The following PCP2 variants were observed in gnomAD, a reference collection of about 807,000 sequenced individuals.
PCP2 encodes the protein Purkinje cell protein 2.
In PCP2, 21 loss-of-function variants were observed where a neutral mutation model predicts 18.3. That is an observed-to-expected ratio of 1.14 (90% CI 0.81 to 1.65). The LOEUF (loss-of-function observed/expected upper bound fraction) is 1.65. Among genes scored for constraint, PCP2 ranks in the 40% most tolerant of loss-of-function variants. The probability of loss-of-function intolerance (pLI) is 0.00; values close to 1 mark genes in which losing one functional copy is unlikely to be tolerated. For missense variants in PCP2, 202 were observed against 201.8 expected, an observed-to-expected ratio of 1.00 and a Z score of 0.00; for synonymous variants, 85 against 77.6, an observed-to-expected ratio of 1.10 and a Z score of -0.50.
rs2031339654 is a variant in PCP2 at position 7,632,129 on chromosome 19, A to G, written c.291+264T>C. 3 of 590,226 alleles carry G rather than the reference A, an allele frequency of 5.1e-6. No homozygotes were observed. Among genetic ancestry groups the G allele is most frequent in the Non-Finnish European group, 8.7e-6 (3 of 343,668 alleles). 36.6% of individuals were successfully genotyped at this position (590,226 alleles called of 1,614,324 possible). On this transcript the variant is annotated intron_variant, in intron 3 of 3. Transcript: ENST00000311069. The surrounding 1 kb of genome is among the most constrained non-coding windows in gnomAD (Gnocchi z 5.2). Reference sequence around the variant, plus strand: ...GGATACTTTCCTAGGAAGGGGTCCTATTTTCTCCCTTTGGCCTCCCCAGAA... The same window carrying G: ...GGATACTTTCCTAGGAAGGGGTCCTGTTTTCTCCCTTTGGCCTCCCCAGAA...
chr19:7,635,498 CA>C (rs2031490855), upstream of PCP2, among the ~76,000 whole-genome samples: 1 of 152,130 alleles, frequency 6.6e-6, no homozygotes, highest in Non-Finnish European at 1.5e-5. Flanking sequence ...AGTTTGATAC[CA>C]GCCTGGGCAA....
chr19:7,633,082 G>C (rs2031399114), intron 1 of PCP2: 1 of 1,239,080 alleles, frequency 8.1e-7, no homozygotes, highest in Admixed American at 2.9e-5. Flanking sequence ...CAAGGGACAG[G>C]CTCCGATGCG....
At chr19:7,636,943 C>T (rs116222519), upstream of PCP2, 1 of 429,138 alleles carries the variant, frequency 2.3e-6, no homozygotes, top group Admixed American at 4.4e-5. Flanking sequence ...CCAGCGACTT[C>T]GTGCTCGGCA....
chr19:7,633,380 G>A, intron 1 of PCP2, 27 bp downstream of exon 1: 4 of 1,553,422 alleles, frequency 2.6e-6, no homozygotes, highest in Non-Finnish European at 3.5e-6. Flanking sequence ...TTGAGCTGGG[G>A]GTGGGGTGGG....
upstream of PCP2, among the ~76,000 whole-genome samples, chr19:7,635,652 T>TG (rs55706929): frequency 9.0e-3 from 1,374 of 152,124 alleles, 6 homozygotes; most frequent in Middle Eastern, 0.027. Context: ...GCTATGATCG[T>TG]GCCACTGCCC....
chr19:7,634,037 C>T (rs1599382394), upstream of PCP2: 1 of 152,652 alleles, frequency 6.6e-6, no homozygotes, highest in Non-Finnish European at 1.5e-5. Flanking sequence ...ACCCTTCCTT[C>T]AACTCACTGT....
chr19:7,633,060 G>T, intron 1 of PCP2: 1 of 1,367,056 alleles, frequency 7.3e-7, no homozygotes, highest in Non-Finnish European at 9.6e-7. Context: ...GCCACTTCAC[G>T]TGGTACCGCT....
chr19:7,631,622 T>G lies in PCP2; in HGVS notation c.*67A>C. 6.8e-7 allele frequency: 1 copy of G among 1,466,560 alleles called. No homozygotes were observed. The allele number at this position is 1,466,560 out of a possible 1,614,324, so 90.8% of individuals were successfully genotyped here. Reference sequence around the variant, plus strand: ...ATACATATACTCAGTTCCTTGTTATTCATTTAAGTGTTTTATTCTTTTATC... The same window carrying G: ...ATACATATACTCAGTTCCTTGTTATGCATTTAAGTGTTTTATTCTTTTATC... On this transcript the variant is annotated 3_prime_UTR_variant, in exon 4 of 4. Coordinates refer to ENST00000311069, the MANE Select transcript of PCP2 (RefSeq NM_174895.3).
At position 7,632,282 on chromosome 19, in the gene PCP2, C is replaced by T. The variant is rs2279042; in HGVS notation, c.291+111G>A. 507,503 of 1,494,716 alleles carry T rather than the reference C, an allele frequency of 0.34. 88,733 individuals carry two copies. The highest frequency in any genetic ancestry group is 0.36 in the Non-Finnish European group (402,191 of 1,103,144). 92.6% of individuals were successfully genotyped at this position (1,494,716 alleles called of 1,614,324 possible). A position where few individuals can be genotyped will look rare whatever the true frequency, so the allele number is the denominator to read the frequency against. On this transcript the variant is annotated intron_variant, in intron 3 of 3. Coordinates refer to ENST00000311069, the MANE Select transcript of PCP2 (RefSeq NM_174895.3). This position sits in a 1 kb window ranked among gnomAD's most constrained non-coding sequence, Gnocchi z 5.2. Reference sequence around the variant, plus strand: ...GTCCTCCCATCTGAAGTCAGGGCAGCGGATGGACAGAGATGGGGCAGGCCC... The same window carrying T: ...GTCCTCCCATCTGAAGTCAGGGCAGTGGATGGACAGAGATGGGGCAGGCCC...
chr19:7,631,761 G>T lies in PCP2; in HGVS notation c.339C>A (p.Leu113=). 3 of 1,429,524 alleles carry T rather than the reference G, an allele frequency of 2.1e-6. No individual in the cohort carries two copies. The highest frequency in any genetic ancestry group is 2.8e-6 in the Non-Finnish European group (3 of 1,088,178). 88.6% of individuals were successfully genotyped at this position (1,429,524 alleles called of 1,614,324 possible). ...RAGTLSPQPL[L]TPQDPTALGF... ...CGAGAGCGGTCGGGTCCTGAGGGGT[G>T]AGCAGGGGTTGGGGACTGAGGGTCC... Residue 113 remains leucine, a synonymous_variant, in exon 4 of 4, where the codon CTC becomes CTA. Transcript: ENST00000311069.
rs565194202 is a variant in PCP2 at position 7,632,962 on chromosome 19, C to A, written c.52-132G>T. On this transcript the variant is annotated intron_variant, in intron 1 of 3. Coordinates refer to ENST00000311069, the MANE Select transcript of PCP2 (RefSeq NM_174895.3). This position sits in a 1 kb window ranked among gnomAD's most constrained non-coding sequence, Gnocchi z 5.2. ...CTTCCTCAGCTCTCACCATGGTCCC[C>A]GCCGATCCTCTCTGCAGAGCTGTTC... is the stretch of plus-strand genomic sequence containing the variant. The A allele has an allele frequency of 1.2e-5, 17 of 1,470,282 alleles. No individual in the cohort carries two copies. The highest frequency in any genetic ancestry group is 1.5e-5 in the Non-Finnish European group (17 of 1,113,474). 91.1% of individuals were successfully genotyped at this position (1,470,282 alleles called of 1,614,324 possible).
chr19:7,633,441 T>C lies in PCP2; in HGVS notation c.17A>G (p.Glu6Gly). 2 of 1,576,228 alleles carry C rather than the reference T, an allele frequency of 1.3e-6. No individual in the cohort carries two copies. The highest frequency in any genetic ancestry group is 8.6e-7 in the Non-Finnish European group (1 of 1,159,752). ...GGGGCCTGAGCCTTCCTCCGTCTTCTCCTCCTGATCCATCATGTCCCTGGA... is the reference window on the plus strand; with the variant it reads ...GGGGCCTGAGCCTTCCTCCGTCTTCCCCTCCTGATCCATCATGTCCCTGGA... Reference protein sequence around the residue: MMDQEEKTEEGSGPCA... With the variant: MMDQEGKTEEGSGPCA... Residue 6 changes from glutamate to glycine, a missense_variant, in exon 1 of 4, where the codon GAG becomes GGG. By Grantham distance (98) the Glu-to-Gly change is moderately conservative. Coordinates refer to ENST00000311069, the MANE Select transcript of PCP2 (RefSeq NM_174895.3).
upstream of PCP2, among the ~76,000 whole-genome samples, chr19:7,635,089 G>A (rs2031473418): frequency 6.6e-6 from 1 of 152,232 alleles, no homozygotes; most frequent in Non-Finnish European, 1.5e-5. Context: ...TTGGGGATTA[G>A]TACTTCATAT....
upstream of PCP2, among the ~76,000 whole-genome samples, chr19:7,634,110 A>G (rs2031442288): frequency 6.6e-6 from 1 of 152,060 alleles, no homozygotes; most frequent in South Asian, 2.1e-4. Context: ...TCCTGTTCCC[A>G]CACCACCTAA....
intron 3 of PCP2, 102 bp from the exon 4 acceptor site, chr19:7,631,910 C>T: frequency 1.7e-6 from 2 of 1,178,544 alleles, no homozygotes; most frequent in Non-Finnish European, 2.2e-6. Context: ...CGTGTCCCAC[C>T]TCATTGTGAG....
chr19:7,632,813 C>T lies in PCP2; in HGVS notation c.69G>A (p.Gln23=), dbSNP rs149060150. The T allele has an allele frequency of 3.9e-6, 6 of 1,556,102 alleles. No individual in the cohort carries two copies. The African/African-American group carries it at 6.8e-5, about 18-fold the overall frequency. The change falls in exon 2 of 4, where the codon CAG becomes CAA. Residue 23 remains glutamine (Q), a synonymous_variant. Transcript: ENST00000311069. This position sits in a 1 kb window ranked among gnomAD's most constrained non-coding sequence, Gnocchi z 5.2. ...GGCTCAGCAGATTGAAGAAGCCCTC[C>T]TGGTCTGGGGAGCCCGCCTGGGGAC... is the stretch of plus-strand genomic sequence containing the variant. ...GPCAEAGSPD[Q]EGFFNLLSHV...
In PCP2 at chr19:7,633,465, G is replaced by A. The variant is rs1380481862; in HGVS notation, c.-8C>T. On this transcript the variant is annotated 5_prime_UTR_variant, in exon 1 of 4. Transcript: ENST00000311069. ...CTCCTCCTGATCCATCATGTCCCTG[G>A]ACTCCAGTCACTTTTCTGCTGGCCT... is the stretch of plus-strand genomic sequence containing the variant. 3 of 1,573,884 alleles carry A rather than the reference G, an allele frequency of 1.9e-6. No homozygotes were observed. The highest frequency in any genetic ancestry group is 2.6e-6 in the Non-Finnish European group (3 of 1,158,190).
chr19:7,632,017 C>T lies in PCP2; in HGVS notation c.292-209G>A. ...GCCCTCGCTGGGATCTTGATCAGAA[C>T]CCAAGCTTCGTGTATGTGTGAAGTC... is the stretch of plus-strand genomic sequence containing the variant. On this transcript the variant is annotated intron_variant, in intron 3 of 3. Coordinates refer to ENST00000311069, the MANE Select transcript of PCP2 (RefSeq NM_174895.3). This position sits in a 1 kb window ranked among gnomAD's most constrained non-coding sequence, Gnocchi z 5.2. 1 of 498,712 alleles carries T rather than the reference C, an allele frequency of 2.0e-6. No individual in the cohort carries two copies. The allele number at this position is 498,712 out of a possible 1,614,324, so 30.9% of individuals were successfully genotyped here.
At position 7,632,949 on chromosome 19, in the gene PCP2, T is replaced by A. The variant is rs1330013186; in HGVS notation, c.52-119A>T. On this transcript the variant is annotated intron_variant, in intron 1 of 3. Transcript: ENST00000311069. The surrounding 1 kb of genome is among the most constrained non-coding windows in gnomAD (Gnocchi z 5.2). Reference sequence around the variant, plus strand: ...CCTGCCGTCCCCACTTCCTCAGCTCTCACCATGGTCCCCGCCGATCCTCTC... The same window carrying A: ...CCTGCCGTCCCCACTTCCTCAGCTCACACCATGGTCCCCGCCGATCCTCTC... 2.7e-6 allele frequency: 4 copies of A among 1,479,414 alleles called. No individual in the cohort carries two copies. Among genetic ancestry groups the A allele is most frequent in the Non-Finnish European group, 3.6e-6 (4 of 1,117,460 alleles). 91.6% of individuals were successfully genotyped at this position (1,479,414 alleles called of 1,614,324 possible).
Sources: allele counts gnomAD v4.1 joint callset (sites outside exome capture counted in the v4.1 genomes callset), GRCh38; gene constraint gnomAD v4.1.1; non-coding constraint Gnocchi (gnomAD v3.1); transcripts MANE v1.5; gene names NCBI Gene and HGNC (gene_info 2026-07-23, HGNC 2026-07-21).